Variants in CDH12 observed in about 807,000 individuals in gnomAD.
CDH12 encodes the protein cadherin 12, also known as cadherin-12.
Under a neutral mutation model 74.1 loss-of-function variants are expected in CDH12, and 41 were observed. The ratio of observed to expected loss-of-function variants is 0.55; its 90% confidence interval spans 0.43 to 0.72. The LOEUF is 0.72. Among genes scored for constraint, CDH12 ranks in the 30% least tolerant of loss-of-function variants. CDH12 has a pLI of 0.00. For synonymous variants in CDH12, 399 were observed against 355.0 expected (o/e 1.12, Z -1.39); for missense variants, 945 against 977.2 (o/e 0.97, Z 0.44).
intron 1 of CDH12, among the ~76,000 whole-genome samples, chr5:22,673,427 T>C (rs1741007235): frequency 6.6e-6 from 1 of 152,170 alleles, no homozygotes; most frequent in African/African-American, 2.4e-5. Flanking sequence ...ATATACTTCC[T>C]GTGCTGTTGC....
intron 1 of CDH12, among the ~76,000 whole-genome samples, chr5:22,843,131 C>T (rs935893474): frequency 1.5e-4 from 23 of 151,874 alleles, no homozygotes; most frequent in African/African-American, 4.4e-4. Flanking sequence ...CTTGGTGCTG[C>T]GTTAAAGTTA....
intron 1 of CDH12, among the ~76,000 whole-genome samples, chr5:22,683,929 A>T (rs997050086): frequency 6.6e-6 from 1 of 152,234 alleles, no homozygotes; most frequent in Non-Finnish European, 1.5e-5. Context: ...TATAGAATCA[A>T]GACTCTCTAG....
At chr5:22,570,703 G>T (rs958311345) in intron 1 of CDH12, among the ~76,000 whole-genome samples, 1 of 152,084 alleles carries the variant, frequency 6.6e-6, no homozygotes, top group Non-Finnish European at 1.5e-5. Flanking sequence ...TGATAAATGA[G>T]CATTGGCTTC....
rs531270434 is a variant in CDH12, at chr5:21,763,184, C to T, written c.1515+1794G>A. 3.3e-5 allele frequency among the ~76,000 whole-genome samples: 5 copies of T among 152,180 alleles called. No homozygotes were observed. In the South Asian group the frequency reaches 8.3e-4, roughly 25 times the overall value. ...TTGTGATGTCAGAAGATTAATGAGT[C>T]CCCACATTATCAAATGGAAGAGTAG... On this transcript the variant is annotated intron_variant, in intron 12 of 14. Transcript: ENST00000382254.
intron 1 of CDH12, among the ~76,000 whole-genome samples, chr5:22,524,284 GC>G (rs1737176310): frequency 6.6e-6 from 1 of 152,038 alleles, no homozygotes; most frequent in African/African-American, 2.4e-5. Context: ...ACTGCACCTG[GC>G]CTCATTTATA....
At chr5:22,355,160 G>A (rs887285696) in intron 3 of CDH12, among the ~76,000 whole-genome samples, 6 of 119,626 alleles carry the variant, frequency 5.0e-5, no homozygotes, top group African/African-American at 1.5e-4. Context: ...TCTCATCTGG[G>A]TATCATAATG....
chr5:21,869,499 G>A (rs572381628), intron 6 of CDH12, among the ~76,000 whole-genome samples: 1 of 151,978 alleles, frequency 6.6e-6, no homozygotes, highest in African/African-American at 2.4e-5. Context: ...ATATGTTTAT[G>A]TGTATTTATA....
At chr5:22,100,835 G>T (rs79962223) in intron 4 of CDH12, among the ~76,000 whole-genome samples, 1 of 152,000 alleles carries the variant, frequency 6.6e-6, no homozygotes, top group South Asian at 2.1e-4. Flanking sequence ...ATATAAATGG[G>T]TTTTCTTATT....
chr5:22,641,593 G>A (rs1165770705), intron 1 of CDH12, among the ~76,000 whole-genome samples: 1 of 151,932 alleles, frequency 6.6e-6, no homozygotes, highest in East Asian at 1.9e-4. Flanking sequence ...CATCATACCT[G>A]CTCTGCCCAA....
intron 3 of CDH12, among the ~76,000 whole-genome samples, chr5:22,381,239 A>T (rs946643874): frequency 2.6e-5 from 4 of 152,018 alleles, no homozygotes; most frequent in African/African-American, 9.7e-5. Flanking sequence ...GAATATTTGA[A>T]AATATTATAC....
chr5:22,830,910 T>TA lies in CDH12; in HGVS notation c.-523+22147dup, dbSNP rs540852523. 6.2e-3 allele frequency among the ~76,000 whole-genome samples: 948 copies of TA among 151,798 alleles called. 7 individuals are homozygous for TA. Among genetic ancestry groups the TA allele is most frequent in the African/African-American group, 0.021 (883 of 41,510 alleles). ...ACACTGATAACAAACTTAAATATGC[T>TA]AAAAAATGAAACAACATAAACTCCT... On this transcript the variant is annotated intron_variant, in intron 1 of 14. Coordinates refer to ENST00000382254, the MANE Select transcript of CDH12 (RefSeq NM_004061.5).
At chr5:22,816,299 C>T (rs1749391137) in intron 1 of CDH12, among the ~76,000 whole-genome samples, 1 of 152,180 alleles carries the variant, frequency 6.6e-6, no homozygotes, top group South Asian at 2.1e-4. Context: ...AGTTAATCAA[C>T]TTTCCAGAGG....
chr5:21,937,009 A>G (rs1332931438), intron 6 of CDH12, among the ~76,000 whole-genome samples: 3 of 152,222 alleles, frequency 2.0e-5, no homozygotes, highest in Admixed American at 2.0e-4. Context: ...TCTTTATAGC[A>G]GTGTGAAATG....
At chr5:21,758,045 T>A (rs1315953465) in intron 13 of CDH12, among the ~76,000 whole-genome samples, 1 of 152,160 alleles carries the variant, frequency 6.6e-6, no homozygotes, top group Non-Finnish European at 1.5e-5. Flanking sequence ...TATGAATATG[T>A]TATATTCTTG....
chr5:22,713,709 G>C (rs1340676240), intron 1 of CDH12, among the ~76,000 whole-genome samples: 1 of 152,008 alleles, frequency 6.6e-6, no homozygotes, highest in African/African-American at 2.4e-5. Flanking sequence ...AGATGGGAGG[G>C]TGTGTGTATG....
chr5:22,524,427 C>T (rs1007236976), intron 1 of CDH12, among the ~76,000 whole-genome samples: 2 of 152,162 alleles, frequency 1.3e-5, no homozygotes, highest in African/African-American at 4.8e-5. Context: ...TTGTGCATCT[C>T]TTATGGCAAT....
chr5:22,114,199 T>C (rs962942513), intron 4 of CDH12, among the ~76,000 whole-genome samples: 1 of 152,218 alleles, frequency 6.6e-6, no homozygotes, highest in African/African-American at 2.4e-5. Flanking sequence ...TTCCCCGCAT[T>C]GAATTCTGTC....
intron 2 of CDH12, among the ~76,000 whole-genome samples, chr5:22,435,501 T>TGC (rs1744348068): frequency 8.9e-6 from 1 of 112,620 alleles, no homozygotes; most frequent in African/African-American, 3.2e-5. Context: ...TATATATATG[T>TGC]GTGTGTGTGT....
At chr5:22,709,898 C>T (rs1030552124) in intron 1 of CDH12, among the ~76,000 whole-genome samples, 1 of 152,130 alleles carries the variant, frequency 6.6e-6, no homozygotes, top group African/African-American at 2.4e-5. Flanking sequence ...TCCATACTGC[C>T]TGGTTCTCTT....
Sources: gnomAD v4.1 joint callset for allele counts (sites outside exome capture counted in the v4.1 genomes callset) on GRCh38, gnomAD v4.1.1 for gene constraint, MANE v1.5 for transcripts, NCBI Gene and HGNC (gene_info 2026-07-23, HGNC 2026-07-21) for gene names.